The following KCNN2 variants were observed in gnomAD, a reference collection of about 807,000 sequenced individuals.
KCNN2 encodes potassium calcium-activated channel subfamily N member 2.
In KCNN2, 24 loss-of-function variants were observed where a neutral mutation model predicts 55.5. That is an observed-to-expected ratio of 0.43 (90% CI 0.31 to 0.61). The LOEUF (loss-of-function observed/expected upper bound fraction) is 0.61, where lower values mean the gene tolerates loss of function less well. Among genes scored for constraint, KCNN2 ranks in the 20% least tolerant of loss-of-function variants. The probability of loss-of-function intolerance (pLI) is 0.08; values close to 1 mark genes in which losing one functional copy is unlikely to be tolerated. For missense variants in KCNN2, 754 were observed against 853.6 expected, an observed-to-expected ratio of 0.88 and a Z score of 1.45; for synonymous variants, 431 against 336.1, an observed-to-expected ratio of 1.28 and a Z score of -3.09.
chr5:114,181,038 C>T (rs1427956597), intron 1 of KCNN2, among the ~76,000 whole-genome samples: 2 of 152,154 alleles, frequency 1.3e-5, no homozygotes, highest in Non-Finnish European at 2.9e-5. Flanking sequence ...TTATTAAGAG[C>T]TACCTTGGCT....
At chr5:114,358,179 C>G (rs899954501), upstream of KCNN2, among the ~76,000 whole-genome samples, 1 of 151,824 alleles carries the variant, frequency 6.6e-6, no homozygotes, top group Non-Finnish European at 1.5e-5. Flanking sequence ...AGGCAACCTA[C>G]GAAATGGGAG....
At chr5:114,189,643 G>A (rs575029418) in intron 1 of KCNN2, among the ~76,000 whole-genome samples, 72 of 152,316 alleles carry the variant, frequency 4.7e-4, no homozygotes, top group African/African-American at 1.7e-3. Context: ...ACTATTCCAA[G>A]CACTTTGTGT....
intron 1 of KCNN2, among the ~76,000 whole-genome samples, chr5:114,121,388 T>C (rs1751827645): frequency 6.6e-6 from 1 of 152,124 alleles, no homozygotes; most frequent in South Asian, 2.1e-4. Context: ...TCCAGGTAAC[T>C]CTCACATATG....
At chr5:114,092,132 C>T (rs1751157283) in intron 1 of KCNN2, among the ~76,000 whole-genome samples, 1 of 152,154 alleles carries the variant, frequency 6.6e-6, no homozygotes, top group Non-Finnish European at 1.5e-5. Context: ...CAGTTAGTTA[C>T]TTACAAGATA....
intron 1 of KCNN2, among the ~76,000 whole-genome samples, chr5:114,154,280 G>T (rs147948771): frequency 3.3e-5 from 5 of 152,258 alleles, no homozygotes; most frequent in African/African-American, 1.2e-4. Flanking sequence ...CATGTGCAGA[G>T]AAACATGAGC....
intron 1 of KCNN2, among the ~76,000 whole-genome samples, chr5:114,070,788 T>G (rs1750552189): frequency 6.6e-6 from 1 of 152,192 alleles, no homozygotes; most frequent in South Asian, 2.1e-4. Flanking sequence ...TGCTTCCTAG[T>G]GTGTAAAGGT....
chr5:114,277,809 T>C (rs1215098711), intron 2 of KCNN2, among the ~76,000 whole-genome samples: 1 of 152,096 alleles, frequency 6.6e-6, no homozygotes, highest in East Asian at 1.9e-4. Flanking sequence ...GAGAAGTTTG[T>C]TATTACCGAC....
At chr5:114,143,543 C>A in intron 1 of KCNN2, among the ~76,000 whole-genome samples, 1 of 152,134 alleles carries the variant, frequency 6.6e-6, no homozygotes, top group East Asian at 1.9e-4. Context: ...ACAGGTGCCC[C>A]TCGTGCGTCC....
At chr5:114,430,945 C>T (rs555107897) in intron 3 of KCNN2, among the ~76,000 whole-genome samples, 6 of 152,080 alleles carry the variant, frequency 3.9e-5, no homozygotes, top group African/African-American at 1.2e-4. Flanking sequence ...GAATAAATTC[C>T]GTTTAATTGT....
intron 2 of KCNN2, among the ~76,000 whole-genome samples, chr5:114,253,960 C>G (rs943367749): frequency 1.3e-5 from 2 of 152,122 alleles, no homozygotes; most frequent in Non-Finnish European, 2.9e-5. Context: ...ATTTCATAAA[C>G]AATTGCATGC....
chr5:114,177,141 G>GTT (rs33951023), intron 1 of KCNN2, among the ~76,000 whole-genome samples: 77,172 of 143,464 alleles, frequency 0.54, 21,849 homozygotes, highest in East Asian at 0.74. Context: ...TAATATGCTG[G>GTT]TTTTTTTTTT....
chr5:114,134,980 C>T (rs1752145200), intron 1 of KCNN2, among the ~76,000 whole-genome samples: 1 of 152,130 alleles, frequency 6.6e-6, no homozygotes, highest in Non-Finnish European at 1.5e-5. Context: ...GTAATACATA[C>T]CTCCCAAATT....
intron 3 of KCNN2, among the ~76,000 whole-genome samples, chr5:114,409,112 A>G (rs1188144663): frequency 6.6e-6 from 1 of 152,224 alleles, no homozygotes; most frequent in Non-Finnish European, 1.5e-5. Context: ...CCTCAGGCCA[A>G]ACATCTCATG....
intron 1 of KCNN2, among the ~76,000 whole-genome samples, chr5:114,138,801 A>G (rs1752219504): frequency 6.6e-6 from 1 of 152,118 alleles, no homozygotes; most frequent in East Asian, 1.9e-4. Flanking sequence ...AGAGTTTCAT[A>G]GTTGAGGCTA....
chr5:114,436,584 C>G (rs574190972), intron 3 of KCNN2, among the ~76,000 whole-genome samples: 8 of 152,098 alleles, frequency 5.3e-5, no homozygotes, highest in Non-Finnish European at 8.8e-5. Flanking sequence ...CATACTTGGA[C>G]GGTTGTTTGG....
intron 1 of KCNN2, among the ~76,000 whole-genome samples, chr5:114,204,696 A>C (rs1322196297): frequency 1.3e-5 from 2 of 152,228 alleles, no homozygotes; most frequent in South Asian, 2.1e-4. Flanking sequence ...TGGCCGTGTC[A>C]CATTATGGTG....
At chr5:114,070,437 A>G (rs537028312) in intron 1 of KCNN2, among the ~76,000 whole-genome samples, 62 of 152,236 alleles carry the variant, frequency 4.1e-4, no homozygotes, top group Middle Eastern at 3.4e-3. Flanking sequence ...CCTCCATTGC[A>G]TTAATGCGCA....
At chr5:114,167,490 A>G (rs150207248) in intron 1 of KCNN2, among the ~76,000 whole-genome samples, 1 of 152,218 alleles carries the variant, frequency 6.6e-6, no homozygotes, top group Non-Finnish European at 1.5e-5. Flanking sequence ...ACTTACCTGT[A>G]TATACACTCA....
chr5:114,308,196 A>G (rs1361762256), intron 2 of KCNN2, among the ~76,000 whole-genome samples: 1 of 152,174 alleles, frequency 6.6e-6, no homozygotes, highest in Non-Finnish European at 1.5e-5. Flanking sequence ...CCCACTGACC[A>G]TCAACAATGG....
Sources: gnomAD v4.1 joint callset for allele counts (sites outside exome capture counted in the v4.1 genomes callset) on GRCh38, gnomAD v4.1.1 for gene constraint, MANE v1.5 for transcripts, NCBI Gene and HGNC (gene_info 2026-07-23, HGNC 2026-07-21) for gene names.